PSEN1: variants seen among roughly 807,000 people sequenced by gnomAD.
PSEN1 encodes the protein presenilin-1.
A neutral mutation model predicts 53.5 loss-of-function variants in PSEN1; 15 were observed. That is an observed-to-expected ratio of 0.28 (90% confidence interval 0.19 to 0.43). The LOEUF (loss-of-function observed/expected upper bound fraction) is 0.43. Ranked by LOEUF, PSEN1 falls within the 20% of genes least tolerant of loss-of-function variation. The pLI is 1.00. For missense variants in PSEN1, 387 were observed against 571.2 expected (o/e 0.68, Z 3.29); for synonymous variants, 208 against 209.8 (o/e 0.99, Z 0.08).
intron 3 of PSEN1, among the ~76,000 whole-genome samples, chr14:73,156,855 G>A (rs965033299): frequency 6.6e-6 from 1 of 151,808 alleles, no homozygotes; most frequent in African/African-American, 2.4e-5. Context: ...GTAGAGATGG[G>A]GTTTCACTGT....
In PSEN1 at chr14:73,169,807, G is replaced by A. The variant is rs188202564; in HGVS notation, c.88-990G>A. Among the ~76,000 whole-genome samples, 19 of 152,098 alleles carry A rather than the reference G, an allele frequency of 1.2e-4. No homozygotes were observed. The East Asian group carries it at 3.1e-3, about 25-fold the overall frequency. On this transcript the variant is annotated intron_variant, in intron 3 of 11. Coordinates refer to ENST00000324501, the MANE Select transcript of PSEN1 (RefSeq NM_000021.4). ...ATTACAGGCATGTGCCACCATGCCC[G>A]ACTAATTTTTATATTTTTAGTAGAG...
chr14:73,162,387 G>T (rs1230850138), intron 3 of PSEN1, among the ~76,000 whole-genome samples: 1 of 151,608 alleles, frequency 6.6e-6, no homozygotes, highest in Non-Finnish European at 1.5e-5. Flanking sequence ...CTCTAAATTG[G>T]TGCAATCCAC....
rs1433751903 is a variant in PSEN1, at chr14:73,222,979, A to G, written c.*3690A>G. 3.9e-5 allele frequency: 6 copies of G among 152,242 alleles called. No individual in the cohort carries two copies. The highest frequency in any genetic ancestry group is 2.6e-4 in the Admixed American group (4 of 15,282). 9.4% of individuals were successfully genotyped at this position (152,242 alleles called of 1,614,324 possible). On this transcript the variant is annotated 3_prime_UTR_variant, in exon 12 of 12. Coordinates refer to ENST00000324501, the MANE Select transcript of PSEN1 (RefSeq NM_000021.4). ...TTGGGCTGGAAACTATCATATAATC[A>G]TAAGTTTGAGCCTAGAAGTGATCCT...
intron 5 of PSEN1, among the ~76,000 whole-genome samples, chr14:73,181,909 G>A (rs1027993755): frequency 6.6e-6 from 1 of 152,090 alleles, no homozygotes; most frequent in Non-Finnish European, 1.5e-5. Flanking sequence ...TGGTAGCTGG[G>A]ACTACAGGCA....
chr14:73,137,950 C>A (rs1414227377), intron 1 of PSEN1, among the ~76,000 whole-genome samples: 9 of 151,842 alleles, frequency 5.9e-5, no homozygotes, highest in African/African-American at 1.9e-4. Context: ...CGCCTGTAGT[C>A]CCAGCTGCTC....
rs1900111146 is a variant in PSEN1 at position 73,221,145 on chromosome 14, A to T, written c.*1856A>T. 6.6e-6 allele frequency: 1 copy of T among 152,208 alleles called. No homozygotes were observed. Among genetic ancestry groups the T allele is most frequent in the Non-Finnish European group, 1.5e-5 (1 of 68,038 alleles). The allele number at this position is 152,208 out of a possible 1,614,324, so 9.4% of individuals were successfully genotyped here. A position where few individuals can be genotyped will look rare whatever the true frequency, so the allele number is the denominator to read the frequency against. ...TGAATTTAAATTAAAATTGGCTTATATTAGGCAGTCACAGACAGGAAAAAT... is the reference window on the plus strand; with the variant it reads ...TGAATTTAAATTAAAATTGGCTTATTTTAGGCAGTCACAGACAGGAAAAAT... On this transcript the variant is annotated 3_prime_UTR_variant, in exon 12 of 12. Transcript: ENST00000324501.
chr14:73,221,846 A>T lies in PSEN1; in HGVS notation c.*2557A>T, dbSNP rs1392955994. The T allele has an allele frequency of 6.6e-6, 1 of 152,226 alleles. No individual in the cohort carries two copies. Among genetic ancestry groups the T allele is most frequent in the Non-Finnish European group, 1.5e-5 (1 of 68,030 alleles). The allele number at this position is 152,226 out of a possible 1,614,324, so 9.4% of individuals were successfully genotyped here. ...ACTGGAAAGAACAGTAGCAATTTCC[A>T]TAAGGATGTGCCTTCACTCACACGG... On this transcript the variant is annotated 3_prime_UTR_variant, in exon 12 of 12. Coordinates refer to ENST00000324501, the MANE Select transcript of PSEN1 (RefSeq NM_000021.4).
At chr14:73,155,474 A>G (rs762146589) in intron 3 of PSEN1, among the ~76,000 whole-genome samples, 70 of 152,196 alleles carry the variant, frequency 4.6e-4, no homozygotes, top group Non-Finnish European at 5.9e-4. Context: ...GTATATTTAT[A>G]TGTCTAGCAT....
chr14:73,198,201 T>A, intron 8 of PSEN1, 72 bp downstream of exon 8: 1 of 890,812 alleles, frequency 1.1e-6, no homozygotes, highest in Non-Finnish European at 1.8e-6. Context: ...CATGTAACTA[T>A]GGTCATTTTC....
At chr14:73,168,094 TCCTATAATCCCA>T (rs746202334) in intron 3 of PSEN1, 1 of 151,894 alleles carries the variant, frequency 6.6e-6, no homozygotes, top group Non-Finnish European at 1.5e-5. Flanking sequence ...GGTGGCTCAC[TCCTATAATCCCA>T]GCACTTTGGG....
At chr14:73,217,561 G>A (rs891788601) in intron 11 of PSEN1, among the ~76,000 whole-genome samples, 4 of 152,168 alleles carry the variant, frequency 2.6e-5, no homozygotes, top group African/African-American at 9.7e-5. Flanking sequence ...GCACAGATAT[G>A]TAGGAAATTA....
chr14:73,209,009 A>T (rs1899569592), intron 9 of PSEN1: 1 of 381,802 alleles, frequency 2.6e-6, no homozygotes, highest in Admixed American at 3.1e-5. Context: ...CTGGCATGTC[A>T]GTGCTGCCCC....
Position 73,165,729 on chromosome 14 carries a change from C to T in PSEN1, c.88-5068C>T, listed in dbSNP as rs1470720771. On this transcript the variant is annotated intron_variant, in intron 3 of 11. Coordinates refer to ENST00000324501, the MANE Select transcript of PSEN1 (RefSeq NM_000021.4). Reference sequence around the variant, plus strand: ...CACCATTGCACTCCAGCCTGGGCAACAAGAGTGAAACTCCGTCTTAAAAAA... The same window carrying T: ...CACCATTGCACTCCAGCCTGGGCAATAAGAGTGAAACTCCGTCTTAAAAAA... Among the ~76,000 whole-genome samples the T allele has an allele frequency of 2.4e-5, 3 of 127,368 alleles. No homozygotes were observed. The Admixed American group carries it at 2.7e-4, about 11-fold the overall frequency. The allele number at this position is 127,368 out of a possible 152,430, so 83.6% of individuals were successfully genotyped here. A position where few individuals can be genotyped will look rare whatever the true frequency, so the allele number is the denominator to read the frequency against.
At chr14:73,199,013 G>A (rs949745798) in intron 8 of PSEN1, among the ~76,000 whole-genome samples, 5 of 152,074 alleles carry the variant, frequency 3.3e-5, no homozygotes, top group Non-Finnish European at 5.9e-5. Context: ...CGGCTTAAGC[G>A]ATCCTCCTGC....
chr14:73,209,504 A>T (rs762414700), intron 9 of PSEN1, among the ~76,000 whole-genome samples: 3 of 152,226 alleles, frequency 2.0e-5, no homozygotes, highest in African/African-American at 4.8e-5. Flanking sequence ...TTCATTTTAC[A>T]GATGTTGACT....
In PSEN1 at chr14:73,211,913, G is replaced by C; in HGVS notation, c.1100G>C (p.Ser367Thr). 1 of 1,613,912 alleles carries C rather than the reference G, an allele frequency of 6.2e-7. No individual in the cohort carries two copies. Among genetic ancestry groups the C allele is most frequent in the Non-Finnish European group, 8.5e-7 (1 of 1,179,968 alleles). The stretch of plus-strand genomic sequence containing the variant: ...GCTGCTGTCCAGGAACTTTCCAGCA[G>C]TATCCTCGCTGGTGAAGACCCAGAG... ...SRAAVQELSSSILAGEDPEER... is the reference protein window; with the variant it reads ...SRAAVQELSSTILAGEDPEER... Residue 367 changes from serine to threonine, a missense_variant, in exon 10 of 12, where the codon AGT becomes ACT. Physicochemically the swap from Ser to Thr is moderately conservative, Grantham distance 58. Around this residue, in one of 4 missense-constraint regions of PSEN1, gnomAD observed 75 missense variants for 63.7 expected, o/e 1.18. Coordinates refer to ENST00000324501, the MANE Select transcript of PSEN1 (RefSeq NM_000021.4).
intron 10 of PSEN1, among the ~76,000 whole-genome samples, chr14:73,213,931 C>T (rs908200655): frequency 5.3e-5 from 8 of 152,096 alleles, no homozygotes; most frequent in Non-Finnish European, 7.4e-5. Flanking sequence ...GAAAACAGTT[C>T]GGTAGTTCTT....
chr14:73,213,480 A>G (rs1899784859), intron 10 of PSEN1, among the ~76,000 whole-genome samples: 1 of 152,080 alleles, frequency 6.6e-6, no homozygotes, highest in African/African-American at 2.4e-5. Flanking sequence ...CTTTCTCTGA[A>G]GCCAATGCAA....
chr14:73,156,560 G>A (rs941644958), intron 3 of PSEN1, among the ~76,000 whole-genome samples: 2 of 152,106 alleles, frequency 1.3e-5, no homozygotes, highest in East Asian at 1.9e-4. Flanking sequence ...GATGAAACAA[G>A]ATTAGCATGA....
Sources: allele counts gnomAD v4.1 joint callset (sites outside exome capture counted in the v4.1 genomes callset), GRCh38; gene constraint gnomAD v4.1.1; regional missense constraint gnomAD v4.1.1; transcripts MANE v1.5; gene names NCBI Gene and HGNC (gene_info 2026-07-23, HGNC 2026-07-21).